Variants in NIPSNAP2 observed in about 807,000 individuals in gnomAD.
NIPSNAP2 encodes the protein protein NipSnap homolog 2.
A neutral mutation model predicts 48.4 loss-of-function variants in NIPSNAP2; 42 were observed. The observed-to-expected ratio is 0.87, with a 90% CI of 0.68 to 1.12. The LOEUF (loss-of-function observed/expected upper bound fraction) is 1.12, where lower values mean the gene tolerates loss of function less well. Among genes scored for constraint, NIPSNAP2 ranks in the 50% most tolerant of loss-of-function variants. NIPSNAP2 has a pLI of 0.00. For synonymous variants in NIPSNAP2, 158 were observed against 126.6 expected, an observed-to-expected ratio of 1.25 and a Z score of -1.67; for missense variants, 314 against 347.3, an observed-to-expected ratio of 0.90 and a Z score of 0.76.
At chr7:55,985,577 A>AAAAT (rs1218708425) in intron 7 of NIPSNAP2, among the ~76,000 whole-genome samples, 8 of 151,890 alleles carry the variant, frequency 5.3e-5, no homozygotes, top group South Asian at 2.1e-4. Flanking sequence ...AACCTCTACC[A>AAAAT]AAATAAATAA....
At position 55,991,262 on chromosome 7, in the gene NIPSNAP2, C is replaced by G. The variant is rs200548451; in HGVS notation, c.618-3632C>G. 3.9e-5 allele frequency among the ~76,000 whole-genome samples: 6 copies of G among 152,064 alleles called. No homozygotes were observed. In the East Asian group the frequency reaches 1.2e-3, roughly 29 times the overall value. Reference sequence around the variant, plus strand: ...GTTAGAATTTCTTTTCATTTGAAAACTAAGAAATACATATTTGGTTGTATG... The same window carrying G: ...GTTAGAATTTCTTTTCATTTGAAAAGTAAGAAATACATATTTGGTTGTATG... On this transcript the variant is annotated intron_variant, in intron 7 of 9. Transcript: ENST00000322090.
intron 1 of NIPSNAP2, among the ~76,000 whole-genome samples, chr7:55,966,296 C>T (rs896563995): frequency 6.6e-5 from 10 of 152,070 alleles, no homozygotes; most frequent in Admixed American, 6.6e-5. Context: ...TATACTGTTT[C>T]GTATTTGATT....
intron 1 of NIPSNAP2, among the ~76,000 whole-genome samples, chr7:55,970,284 C>T (rs1172723483): frequency 6.6e-6 from 1 of 151,882 alleles, no homozygotes; most frequent in Non-Finnish European, 1.5e-5. Flanking sequence ...TACCACGCTC[C>T]TGCCAGGCTG....
At chr7:55,992,856 G>A (rs1267117878) in intron 7 of NIPSNAP2, among the ~76,000 whole-genome samples, 1 of 152,070 alleles carries the variant, frequency 6.6e-6, no homozygotes, top group African/African-American at 2.4e-5. Flanking sequence ...TGTGTCTTCT[G>A]GTGACCTCCC....
rs145746983 is a variant in NIPSNAP2 at position 55,997,239 on chromosome 7, A to G, written c.713-127A>G. The G allele has an allele frequency of 9.9e-5, 66 of 669,404 alleles. 2 individuals are homozygous for G. The African/African-American group carries it at 1.1e-3, about 11-fold the overall frequency. 41.5% of individuals were successfully genotyped at this position (669,404 alleles called of 1,614,324 possible). ...TTGCTCAGAATTTCCCCAGCCCAGT[A>G]TATTACACACCTGAAGTAGTCCCTG... On this transcript the variant is annotated intron_variant, in intron 8 of 9. Coordinates refer to ENST00000322090, the MANE Select transcript of NIPSNAP2 (RefSeq NM_001483.3).
intron 1 of NIPSNAP2, among the ~76,000 whole-genome samples, chr7:55,969,036 G>A (rs887787718): frequency 6.6e-6 from 1 of 150,582 alleles, no homozygotes; most frequent in Admixed American, 6.7e-5. Flanking sequence ...GAGAGAACAA[G>A]GCCCTGTCTG....
chr7:55,992,845 A>G (rs568638738), intron 7 of NIPSNAP2, among the ~76,000 whole-genome samples: 1 of 152,250 alleles, frequency 6.6e-6, no homozygotes, highest in African/African-American at 2.4e-5. Context: ...GACCTTAACC[A>G]TGTGTCTTCT....
chr7:55,990,848 C>T (rs755596252), intron 7 of NIPSNAP2, among the ~76,000 whole-genome samples: 20 of 147,780 alleles, frequency 1.4e-4, no homozygotes, highest in Admixed American at 1.2e-3. Flanking sequence ...AGTGCAGTGG[C>T]GCAGTCTCGG....
In NIPSNAP2 at chr7:55,997,387, G is replaced by C; in HGVS notation, c.734G>C (p.Arg245Thr). ...TAAGCTTACAGGGATCTTCAGACCA[G>C]GGAAGACATACGGAATGCAGCATGG... ...HLWAYRDLQT[R>T]EDIRNAAWHK... The change falls in exon 9 of 10, where the codon AGG (arginine) becomes ACG (threonine). Residue 245 changes from arginine (R) to threonine (T), a missense_variant. Transcript: ENST00000322090. The C allele has an allele frequency of 6.2e-7, 1 of 1,613,808 alleles. No homozygotes were observed. The highest frequency in any genetic ancestry group is 2.2e-5 in the East Asian group (1 of 44,866).
chr7:55,972,173 G>A (rs184434498), intron 1 of NIPSNAP2, among the ~76,000 whole-genome samples: 5 of 152,040 alleles, frequency 3.3e-5, no homozygotes, highest in Non-Finnish European at 7.4e-5. Context: ...GGGTGTGGTG[G>A]TGGGTGCCGC....
chr7:55,978,892 C>T (rs553312518), intron 3 of NIPSNAP2: 23 of 153,454 alleles, frequency 1.5e-4, no homozygotes, highest in African/African-American at 3.6e-4. Context: ...AAGTCCCTTC[C>T]GCTGATTCTC....
intron 1 of NIPSNAP2, among the ~76,000 whole-genome samples, chr7:55,975,089 A>G (rs1787083242): frequency 6.6e-6 from 1 of 152,056 alleles, no homozygotes; most frequent in Non-Finnish European, 1.5e-5. Flanking sequence ...ATGGTGGCTC[A>G]TGCTCGAAAT....
intron 7 of NIPSNAP2, among the ~76,000 whole-genome samples, chr7:55,990,027 A>G (rs964610312): frequency 1.3e-5 from 2 of 151,694 alleles, no homozygotes; most frequent in Non-Finnish European, 2.9e-5. Flanking sequence ...TGGAGGCTGC[A>G]GTGAGCCAAA....
At chr7:55,980,061 G>C in intron 3 of NIPSNAP2, 2 of 286,232 alleles carry the variant, frequency 7.0e-6, no homozygotes, top group Non-Finnish European at 1.4e-5. Context: ...TCCAATGCAG[G>C]GTTGTCTATT....
intron 1 of NIPSNAP2, among the ~76,000 whole-genome samples, chr7:55,972,298 G>GT (rs1787027916): frequency 7.2e-6 from 1 of 138,358 alleles, no homozygotes; most frequent in South Asian, 2.2e-4. Context: ...AACAGAGCAA[G>GT]ACTCTGTCTC....
At chr7:55,973,643 T>A (rs1384749614) in intron 1 of NIPSNAP2, among the ~76,000 whole-genome samples, 1 of 150,266 alleles carries the variant, frequency 6.7e-6, no homozygotes, top group Non-Finnish European at 1.5e-5. Flanking sequence ...CCCAGCTATT[T>A]TTTTTTTTTT....
chr7:55,981,851 G>A (rs1210755078), intron 4 of NIPSNAP2: 1 of 371,076 alleles, frequency 2.7e-6, no homozygotes, highest in Non-Finnish European at 4.9e-6. Context: ...TGTTGCCCAG[G>A]CTGGAGTGCA....
At chr7:55,984,389 C>G (rs1243315554) in intron 6 of NIPSNAP2, among the ~76,000 whole-genome samples, 1 of 152,084 alleles carries the variant, frequency 6.6e-6, no homozygotes, top group African/African-American at 2.4e-5. Flanking sequence ...CCAGCCTGAA[C>G]AACATAGTGA....
intron 7 of NIPSNAP2, among the ~76,000 whole-genome samples, chr7:55,992,919 T>TG (rs1229559885): frequency 6.6e-6 from 1 of 152,014 alleles, no homozygotes; most frequent in Non-Finnish European, 1.5e-5. Context: ...AGACTGCTTT[T>TG]GAAAAAATGG....
Sources: gnomAD v4.1 joint callset for allele counts (sites outside exome capture counted in the v4.1 genomes callset) on GRCh38, gnomAD v4.1.1 for gene constraint, MANE v1.5 for transcripts, NCBI Gene and HGNC (gene_info 2026-07-23, HGNC 2026-07-21) for gene names.